The following DLGAP1 variants were observed in gnomAD, a reference collection of about 807,000 sequenced individuals.
DLGAP1 encodes the protein DLG associated protein 1.
In DLGAP1, 11 loss-of-function variants were observed where a neutral mutation model predicts 90.8. That is an observed-to-expected ratio of 0.12 (90% confidence interval 0.08 to 0.20). DLGAP1 has a LOEUF of 0.20. DLGAP1 is among the 10% of genes least tolerant of loss of function. DLGAP1 has a pLI of 1.00. For missense variants in DLGAP1, 1,050 were observed against 1,333.8 expected (o/e 0.79, Z 3.31); for synonymous variants, 558 against 540.7 (o/e 1.03, Z -0.44).
At chr18:3,523,775 A>G (rs1308957964) in intron 10 of DLGAP1, among the ~76,000 whole-genome samples, 13 of 151,708 alleles carry the variant, frequency 8.6e-5, no homozygotes, top group East Asian at 3.9e-4. Flanking sequence ...GTGAACTCAG[A>G]AGGCGGAGCT....
chr18:3,673,348 T>C (rs1288053545), intron 7 of DLGAP1, among the ~76,000 whole-genome samples: 1 of 152,230 alleles, frequency 6.6e-6, no homozygotes, highest in Admixed American at 6.5e-5. Context: ...TAATTGTTCA[T>C]ATTCCTGTTG....
intron 3 of DLGAP1, among the ~76,000 whole-genome samples, chr18:3,932,491 C>G (rs1442387): frequency 0.99 from 150,082 of 152,316 alleles, 74,052 homozygotes; most frequent in Middle Eastern, 1. Flanking sequence ...AATACCCTTG[C>G]GGGGGAGCCT....
intron 2 of DLGAP1, among the ~76,000 whole-genome samples, chr18:4,091,805 A>G (rs2075776304): frequency 6.6e-6 from 1 of 152,160 alleles, no homozygotes; most frequent in Non-Finnish European, 1.5e-5. Context: ...TAACATATTA[A>G]ACATGGTCAT....
intron 3 of DLGAP1, among the ~76,000 whole-genome samples, chr18:3,941,780 A>G (rs2072774469): frequency 6.6e-6 from 1 of 152,160 alleles, no homozygotes; most frequent in South Asian, 2.1e-4. Context: ...TGGCATGATC[A>G]CAGTTCACTG....
At chr18:3,549,239 A>G (rs1195198065) in intron 9 of DLGAP1, among the ~76,000 whole-genome samples, 1 of 152,142 alleles carries the variant, frequency 6.6e-6, no homozygotes, top group Non-Finnish European at 1.5e-5. Context: ...AACAAAAATA[A>G]ATCTTTACAC....
At chr18:4,130,529 T>C (rs917324544) in intron 2 of DLGAP1, among the ~76,000 whole-genome samples, 8 of 152,208 alleles carry the variant, frequency 5.3e-5, no homozygotes, top group African/African-American at 1.9e-4. Context: ...ACTTGTCATT[T>C]ATGTGCCACT....
intron 1 of DLGAP1, among the ~76,000 whole-genome samples, chr18:4,324,205 A>C (rs917734856): frequency 1.3e-5 from 2 of 152,002 alleles, no homozygotes; most frequent in African/African-American, 4.8e-5. Context: ...CCGCACAGAA[A>C]TACAACCAAC....
chr18:4,025,120 G>A (rs2074678005), intron 2 of DLGAP1, among the ~76,000 whole-genome samples: 1 of 152,188 alleles, frequency 6.6e-6, no homozygotes, highest in Admixed American at 6.5e-5. Context: ...AAGACAAGTA[G>A]AGGAAATAAA....
chr18:4,388,409 A>T (rs2082278289), intron 1 of DLGAP1, among the ~76,000 whole-genome samples: 1 of 152,134 alleles, frequency 6.6e-6, no homozygotes, highest in Non-Finnish European at 1.5e-5. Context: ...CTTGGAACGC[A>T]GGAGACATTC....
chr18:3,718,684 G>A (rs2061847665), intron 7 of DLGAP1, among the ~76,000 whole-genome samples: 1 of 150,772 alleles, frequency 6.6e-6, no homozygotes, highest in African/African-American at 2.4e-5. Flanking sequence ...CCAGCACTTT[G>A]GGGGGTCGAG....
At chr18:4,369,228 C>T (rs9949791) in intron 1 of DLGAP1, among the ~76,000 whole-genome samples, 2,479 of 152,106 alleles carry the variant, frequency 0.016, 64 homozygotes, top group African/African-American at 0.056. Flanking sequence ...AATATAAACC[C>T]GTGTGCACAT....
chr18:3,522,294 G>T (rs1469276671), intron 10 of DLGAP1, among the ~76,000 whole-genome samples: 2 of 151,306 alleles, frequency 1.3e-5, no homozygotes, highest in Non-Finnish European at 2.9e-5. Flanking sequence ...GTGCCACCAC[G>T]CCCAGCTAAT....
At chr18:3,834,305 C>CAAAAAA (rs35630074) in intron 4 of DLGAP1, among the ~76,000 whole-genome samples, 3 of 33,162 alleles carry the variant, frequency 9.0e-5, no homozygotes, top group East Asian at 7.0e-4. Context: ...GACTCTGTCT[C>CAAAAAA]AAAAAAAAAA....
At chr18:4,300,623 C>T (rs2080102201) in intron 1 of DLGAP1, among the ~76,000 whole-genome samples, 1 of 152,096 alleles carries the variant, frequency 6.6e-6, no homozygotes, top group East Asian at 1.9e-4. Flanking sequence ...TTACTGATCA[C>T]CCCTCTTTCT....
chr18:4,026,068 TTG>T (rs2074694224), intron 2 of DLGAP1, among the ~76,000 whole-genome samples: 1 of 152,228 alleles, frequency 6.6e-6, no homozygotes, highest in South Asian at 2.1e-4. Flanking sequence ...TCACAAAATG[TTG>T]TCAGGTTCTT....
chr18:4,213,877 C>T (rs1023961971), intron 1 of DLGAP1, among the ~76,000 whole-genome samples: 6 of 152,028 alleles, frequency 3.9e-5, no homozygotes, highest in Admixed American at 1.3e-4. Flanking sequence ...TGTTAAAGTC[C>T]AGGAGCCAGC....
rs188955589 is a variant in DLGAP1, at chr18:4,269,576, G to A, written c.-266-118289C>T. 1.6e-4 allele frequency among the ~76,000 whole-genome samples: 24 copies of A among 151,648 alleles called. No individual in the cohort carries two copies. In the East Asian group the frequency reaches 2.7e-3, roughly 17 times the overall value. ...TCACCGTGTTAGCCAGGATGGTCTC[G>A]ATCTCCTGACCTTGTGATCCACCCG... On this transcript the variant is annotated intron_variant, in intron 1 of 12. Transcript: ENST00000315677.
At chr18:3,540,816 C>T (rs1370541203) in intron 9 of DLGAP1, among the ~76,000 whole-genome samples, 2 of 152,096 alleles carry the variant, frequency 1.3e-5, no homozygotes, top group Non-Finnish European at 2.9e-5. Context: ...TTCTCTACCC[C>T]AAATAATTGT....
intron 1 of DLGAP1, among the ~76,000 whole-genome samples, chr18:4,343,361 C>A (rs1030350810): frequency 7.3e-5 from 11 of 151,332 alleles, no homozygotes; most frequent in Non-Finnish European, 1.6e-4. Flanking sequence ...CATGCAGAAC[C>A]ATGGAGATAA....
Sources: gnomAD v4.1 joint callset for allele counts (sites outside exome capture counted in the v4.1 genomes callset) on GRCh38, gnomAD v4.1.1 for gene constraint, MANE v1.5 for transcripts, NCBI Gene and HGNC (gene_info 2026-07-23, HGNC 2026-07-21) for gene names.